The following PRKN variants were observed in gnomAD, a reference collection of about 807,000 sequenced individuals.
PRKN encodes E3 ubiquitin-protein ligase parkin.
A neutral mutation model predicts 59.5 loss-of-function variants in PRKN; 56 were observed. That is an observed-to-expected ratio of 0.94 (90% CI 0.76 to 1.18). The LOEUF is 1.18. PRKN is among the 50% of genes most tolerant of loss of function. PRKN has a pLI of 0.00. For synonymous variants in PRKN, 250 were observed against 222.1 expected (o/e 1.13, Z -1.12); for missense variants, 657 against 596.4 (o/e 1.10, Z -1.06).
intron 9 of PRKN, among the ~76,000 whole-genome samples, chr6:161,450,660 G>C (rs1285878372): frequency 6.6e-6 from 1 of 152,040 alleles, no homozygotes; most frequent in Non-Finnish European, 1.5e-5. Context: ...AGGTTCAAGT[G>C]ATTCTCCTGC....
chr6:161,553,413 T>G (rs1344642866), intron 8 of PRKN, among the ~76,000 whole-genome samples: 1 of 152,052 alleles, frequency 6.6e-6, no homozygotes, highest in Non-Finnish European at 1.5e-5. Context: ...CCTTCCTCCT[T>G]TTTTGGTCCC....
chr6:161,557,803 C>A (rs1744126415), intron 8 of PRKN, among the ~76,000 whole-genome samples: 1 of 152,138 alleles, frequency 6.6e-6, no homozygotes, highest in Non-Finnish European at 1.5e-5. Context: ...GCTATGTGGC[C>A]CCCTTTCAGG....
intron 7 of PRKN, among the ~76,000 whole-genome samples, chr6:161,650,036 CA>C (rs1784095012): frequency 6.6e-6 from 1 of 152,188 alleles, no homozygotes; most frequent in Non-Finnish European, 1.5e-5. Flanking sequence ...CCTCAGAAGA[CA>C]GCCAACATCT....
chr6:162,169,278 G>A (rs1358741870), intron 4 of PRKN, among the ~76,000 whole-genome samples: 1 of 152,106 alleles, frequency 6.6e-6, no homozygotes, highest in African/African-American at 2.4e-5. Flanking sequence ...GGGACTTCAG[G>A]TAAATCATTT....
At chr6:162,339,325 G>A (rs1388678491) in intron 2 of PRKN, among the ~76,000 whole-genome samples, 15 of 143,340 alleles carry the variant, frequency 1.0e-4, no homozygotes, top group Non-Finnish European at 2.0e-4. Context: ...CAGCCGCGCC[G>A]TCTGGGAGGG....
intron 2 of PRKN, among the ~76,000 whole-genome samples, chr6:162,398,395 GTTT>G (rs34350272): frequency 4.7e-5 from 4 of 84,744 alleles, no homozygotes; most frequent in African/African-American, 2.3e-4. Flanking sequence ...TTCTCTTTTT[GTTT>G]TTTTTTTTTG....
intron 4 of PRKN, among the ~76,000 whole-genome samples, chr6:162,154,553 A>T (rs192173577): frequency 1.3e-3 from 201 of 151,446 alleles, no homozygotes; most frequent in African/African-American, 4.8e-3. Flanking sequence ...AAGAAATGAG[A>T]TGAAGTGTGT....
intron 7 of PRKN, among the ~76,000 whole-genome samples, chr6:161,697,346 C>T (rs1786064324): frequency 6.6e-6 from 1 of 152,174 alleles, no homozygotes; most frequent in Non-Finnish European, 1.5e-5. Flanking sequence ...CTGTGAATTA[C>T]GTGCTTCCTA....
At chr6:161,866,712 A>G (rs913461758) in intron 6 of PRKN, among the ~76,000 whole-genome samples, 2 of 152,186 alleles carry the variant, frequency 1.3e-5, no homozygotes, top group African/African-American at 2.4e-5. Flanking sequence ...AAAAATCACA[A>G]TATCTGCCAA....
At chr6:162,442,761 C>T (rs1238041944) in intron 2 of PRKN, among the ~76,000 whole-genome samples, 1 of 152,142 alleles carries the variant, frequency 6.6e-6, no homozygotes, top group Non-Finnish European at 1.5e-5. Context: ...AGGCTTCCTT[C>T]CCCATCAGCT....
chr6:162,687,998 C>G (rs970490379), intron 1 of PRKN, among the ~76,000 whole-genome samples: 1 of 152,154 alleles, frequency 6.6e-6, no homozygotes, highest in Non-Finnish European at 1.5e-5. Context: ...GGTAATGATT[C>G]TGACAATTGT....
chr6:162,514,283 T>TC (rs1777753235), intron 1 of PRKN, among the ~76,000 whole-genome samples: 1 of 152,030 alleles, frequency 6.6e-6, no homozygotes, highest in Non-Finnish European at 1.5e-5. Context: ...TTTTTTTTTT[T>TC]CTGAAAAAGT....
At chr6:161,537,742 C>T (rs539661594) in intron 9 of PRKN, among the ~76,000 whole-genome samples, 216 of 152,306 alleles carry the variant, frequency 1.4e-3, no homozygotes, top group African/African-American at 3.9e-3. Context: ...TGAGCCACTG[C>T]GCCCGGCCTC....
chr6:161,767,722 A>ACT (rs1789490057), intron 7 of PRKN, among the ~76,000 whole-genome samples: 1 of 135,704 alleles, frequency 7.4e-6, no homozygotes, highest in Non-Finnish European at 1.5e-5. Context: ...GTTACCTTAA[A>ACT]GGTTACTGTT....
chr6:162,669,333 T>G (rs903294987), intron 1 of PRKN, among the ~76,000 whole-genome samples: 1 of 152,144 alleles, frequency 6.6e-6, no homozygotes, highest in Non-Finnish European at 1.5e-5. Context: ...GTTGAAGACA[T>G]TAAGTGTTGT....
At chr6:162,455,026 TA>T (rs747507909) in intron 1 of PRKN, among the ~76,000 whole-genome samples, 11 of 152,188 alleles carry the variant, frequency 7.2e-5, no homozygotes, top group Non-Finnish European at 1.6e-4. Flanking sequence ...AGATACACAG[TA>T]AAGAGGGACA....
chr6:161,639,951 A>G lies in PRKN; in HGVS notation c.872-70535T>C, dbSNP rs1180608768. On this transcript the variant is annotated intron_variant, in intron 7 of 11. Coordinates refer to ENST00000366898, the MANE Select transcript of PRKN (RefSeq NM_004562.3). ...GCTGCTTCTAGTAAAATTCTTTCCC[A>G]GATGACTAGGGGCTCCAGAGAGATT... Among the ~76,000 whole-genome samples, 3 of 152,182 alleles carry G rather than the reference A, an allele frequency of 2.0e-5. No individual in the cohort carries two copies. In the South Asian group the frequency reaches 6.2e-4, roughly 32 times the overall value.
In PRKN at chr6:161,906,882, G is replaced by T. The variant is rs112769431; in HGVS notation, c.734+66420C>A. The stretch of plus-strand genomic sequence containing the variant: ...TTTCCAGCACGGGAGAAAGATGAAG[G>T]CCGGAAGACTCAGCCAGTCTAGTCC... On this transcript the variant is annotated intron_variant, in intron 6 of 11. Coordinates refer to ENST00000366898, the MANE Select transcript of PRKN (RefSeq NM_004562.3). Among the ~76,000 whole-genome samples the T allele has an allele frequency of 3.6e-3, 553 of 151,924 alleles. 2 individuals carry two copies. Among genetic ancestry groups the T allele is most frequent in the African/African-American group, 0.013 (533 of 41,418 alleles).
rs991867419 is a variant in PRKN, at chr6:162,399,713, T to C, written c.171+43597A>G. Among the ~76,000 whole-genome samples the C allele has an allele frequency of 3.3e-5, 5 of 151,956 alleles. No individual in the cohort carries two copies. In the South Asian group the frequency reaches 1.0e-3, roughly 32 times the overall value. ...AAACAATGAATCAACCAAGCAGTTG[T>C]GTCCATGAAACAAGACAACAGAGCA... On this transcript the variant is annotated intron_variant, in intron 2 of 11. Coordinates refer to ENST00000366898, the MANE Select transcript of PRKN (RefSeq NM_004562.3).
Sources: gnomAD v4.1 joint callset for allele counts (sites outside exome capture counted in the v4.1 genomes callset) on GRCh38, gnomAD v4.1.1 for gene constraint, MANE v1.5 for transcripts, NCBI Gene and HGNC (gene_info 2026-07-23, HGNC 2026-07-21) for gene names.